The following PPAT variants were observed in gnomAD, a reference collection of about 807,000 sequenced individuals.
PPAT encodes the protein phosphoribosyl pyrophosphate amidotransferase, also known as amidophosphoribosyltransferase.
A neutral mutation model predicts 60.2 loss-of-function variants in PPAT; 20 were observed. The ratio of observed to expected loss-of-function variants is 0.33; its 90% CI spans 0.23 to 0.48. The LOEUF is 0.48. PPAT is among the 20% of genes least tolerant of loss of function. PPAT has a pLI of 0.99. For missense variants in PPAT, 349 were observed against 629.6 expected (o/e 0.55, Z 4.77); for synonymous variants, 194 against 215.1 (o/e 0.90, Z 0.86).
Position 56,393,576 on chromosome 4 carries a change from T to G in PPAT, c.*1776A>C, listed in dbSNP as rs1715882248. 6.6e-6 allele frequency: 1 copy of G among 152,444 alleles called. No homozygotes were observed. 9.4% of individuals were successfully genotyped at this position (152,444 alleles called of 1,614,324 possible). The stretch of plus-strand genomic sequence containing the variant: ...GTAATTGAATTCAGACTTCAGAAAA[T>G]TGTGAAGTAAAAGGCCATGATGGAG... On this transcript the variant is annotated 3_prime_UTR_variant, in exon 11 of 11. Coordinates refer to ENST00000264220, the MANE Select transcript of PPAT (RefSeq NM_002703.5).
chr4:56,435,495 G>A lies in PPAT; in HGVS notation c.-18C>T. The A allele has an allele frequency of 6.2e-7, 1 of 1,613,024 alleles. No homozygotes were observed. The highest frequency in any genetic ancestry group is 2.2e-5 in the East Asian group (1 of 44,868). On this transcript the variant is annotated 5_prime_UTR_variant, in exon 1 of 11. It adds an upstream start codon to the 5' untranslated region. Transcript: ENST00000264220. ...AGCTCCATGTCGCCGCCGAAAGCAC[G>A]TGGAAGGACCTGCCGCTGCGGCCAA... is the stretch of plus-strand genomic sequence containing the variant.
In PPAT at chr4:56,400,872, T is replaced by C; in HGVS notation, c.926A>G (p.Gln309Arg). The change falls in exon 8 of 11, where the codon CAG becomes CGG. Residue 309 changes from glutamine to arginine, a missense_variant. Around this residue, in one of 5 missense-constraint regions of PPAT, gnomAD observed 167 missense variants for 328.6 expected, o/e 0.51. Coordinates refer to ENST00000264220, the MANE Select transcript of PPAT (RefSeq NM_002703.5). ...ATCCACAGGTGCTTCAATCGCTAGC[T>C]GCTGGCCACAACGGTATCTTACTGT... ...VYTVRYRCGQ[Q>R]LAIEAPVDAD... 1 of 1,613,166 alleles carries C rather than the reference T, an allele frequency of 6.2e-7. No homozygotes were observed. Among genetic ancestry groups the C allele is most frequent in the South Asian group, 1.1e-5 (1 of 91,064 alleles).
rs533871730 is a variant in PPAT at position 56,429,562 on chromosome 4, GTC to G, written c.128+5786_128+5787del. On this transcript the variant is annotated intron_variant, in intron 1 of 10. Transcript: ENST00000264220. The stretch of plus-strand genomic sequence containing the variant: ...GACTAATAAGAAAACCTGAGCTCCA[GTC>G]TCTCTTTGACCCTAATTCCTAAACA... 6.0e-3 allele frequency among the ~76,000 whole-genome samples: 912 copies of G among 152,302 alleles called. 17 individuals are homozygous for G. Among genetic ancestry groups the G allele is most frequent in the African/African-American group, 0.021 (858 of 41,562 alleles).
chr4:56,424,563 CTATTA>C (rs1717197635), intron 1 of PPAT, among the ~76,000 whole-genome samples: 2 of 152,086 alleles, frequency 1.3e-5, no homozygotes, highest in South Asian at 4.1e-4. Context: ...CAGGCTATTC[CTATTA>C]TGTTAAGTAA....
Position 56,395,402 on chromosome 4 carries a change from G to A in PPAT, c.1504C>T (p.His502Tyr). 1 of 1,610,496 alleles carries A rather than the reference G, an allele frequency of 6.2e-7. No homozygotes were observed. Among genetic ancestry groups the A allele is most frequent in the South Asian group, 1.1e-5 (1 of 90,660 alleles). ...TTTCCAGTGAGACAAGCTGTACAAT[G>A]ACCACTCTTTTCAAAACATTCCAGA... is the stretch of plus-strand genomic sequence containing the variant. ...NGLECFEKSGHCTACLTGKYP... is the reference protein window; with the variant it reads ...NGLECFEKSGYCTACLTGKYP... Residue 502 changes from histidine (H) to tyrosine (Y), a missense_variant, in exon 11 of 11, where the codon CAT becomes TAT. His to Tyr is a moderately conservative substitution (Grantham distance 83). Transcript: ENST00000264220.
In PPAT at chr4:56,394,565, T is replaced by G. The variant is rs781428819; in HGVS notation, c.*787A>C. On this transcript the variant is annotated 3_prime_UTR_variant, in exon 11 of 11. Coordinates refer to ENST00000264220, the MANE Select transcript of PPAT (RefSeq NM_002703.5). ...CTATGGATCACATTTTCTAGTCAAA[T>G]GTAGGAAAAACTTTTTCACAGATTT... The G allele has an allele frequency of 2.6e-5, 4 of 152,202 alleles. No homozygotes were observed. Among genetic ancestry groups the G allele is most frequent in the Non-Finnish European group, 4.4e-5 (3 of 68,026 alleles). 9.4% of individuals were successfully genotyped at this position (152,202 alleles called of 1,614,324 possible).
At chr4:56,408,829 A>G (rs1716324558) in intron 1 of PPAT, among the ~76,000 whole-genome samples, 1 of 152,130 alleles carries the variant, frequency 6.6e-6, no homozygotes, top group Non-Finnish European at 1.5e-5. Context: ...AAACCCATTA[A>G]CATCCTCTGT....
chr4:56,404,114 GAAATCTAGAAGA>G (rs1716185999), intron 3 of PPAT: 1 of 374,038 alleles, frequency 2.7e-6, no homozygotes, highest in Non-Finnish European at 5.6e-6. Flanking sequence ...GAGGCAATAG[GAAATCTAGAAGA>G]TTTTCAAGCA....
rs766690668 is a variant in PPAT at position 56,400,750 on chromosome 4, A to T, written c.1014+34T>A. The T allele has an allele frequency of 2.4e-4, 375 of 1,584,916 alleles. 1 individual carries two copies. In the Middle Eastern group the frequency reaches 3.2e-3, roughly 14 times the overall value. On this transcript the variant is annotated intron_variant, in intron 8 of 10. Coordinates refer to ENST00000264220, the MANE Select transcript of PPAT (RefSeq NM_002703.5). ...GGGTTTCTTATTCCACAGCTGGGAG[A>T]GCAATTCACTGCATGTTAATTAAGA...
At chr4:56,418,253 T>C (rs1337907986) in intron 1 of PPAT, among the ~76,000 whole-genome samples, 1 of 152,198 alleles carries the variant, frequency 6.6e-6, no homozygotes, top group Non-Finnish European at 1.5e-5. Context: ...CAATGAGCAG[T>C]GGTCTCTCCA....
intron 1 of PPAT, among the ~76,000 whole-genome samples, chr4:56,423,640 G>C (rs1578133289): frequency 2.0e-5 from 3 of 149,998 alleles, no homozygotes; most frequent in East Asian, 2.0e-4. Context: ...AGAAGAAAAA[G>C]ATTAAGTCAA....
chr4:56,408,793 C>T (rs1053522226), intron 1 of PPAT, among the ~76,000 whole-genome samples: 1 of 151,602 alleles, frequency 6.6e-6, no homozygotes, highest in African/African-American at 2.4e-5. Context: ...GTTTTGTTGT[C>T]CTGCTTTGCT....
rs527367886 is a variant in PPAT at position 56,395,513 on chromosome 4, G to A, written c.1393C>T (p.Leu465=). Residue 465 remains leucine (L), a synonymous_variant, in exon 11 of 11, where the codon CTG becomes TTG. Transcript: ENST00000264220. ...NSVVYLSVEG[L]VSSVQEGIKF... ...ATCCCTTCTTGTACAGATGAAACCA[G>A]TCCTTCTACTGACAGATACACAACA... 6.9e-6 allele frequency: 11 copies of A among 1,599,060 alleles called. No homozygotes were observed. In the African/African-American group the frequency reaches 1.5e-4, roughly 22 times the overall value.
Position 56,396,868 on chromosome 4 carries a change from C to A in PPAT, c.1237-129G>T. 1.1e-6 allele frequency: 1 copy of A among 898,206 alleles called. No homozygotes were observed. The highest frequency in any genetic ancestry group is 1.6e-6 in the Non-Finnish European group (1 of 637,916). The allele number at this position is 898,206 out of a possible 1,614,324, so 55.6% of individuals were successfully genotyped here. On this transcript the variant is annotated intron_variant, in intron 9 of 10. Transcript: ENST00000264220. This position sits in a 1 kb window ranked among gnomAD's most constrained non-coding sequence, Gnocchi z 4.6. ...TATGGGTAATAAATTATTCTTTCTA[C>A]AAAGCTGCTTCTTGGTTTTTTTTTT... is the stretch of plus-strand genomic sequence containing the variant.
At chr4:56,409,459 A>G (rs945579028) in intron 1 of PPAT, among the ~76,000 whole-genome samples, 1 of 133,784 alleles carries the variant, frequency 7.5e-6, no homozygotes, top group Non-Finnish European at 1.8e-5. Context: ...CACTTTTGCT[A>G]TTAGAAAAAA....
At chr4:56,411,024 A>C in intron 1 of PPAT, 35 of 670,192 alleles carry the variant, frequency 5.2e-5, no homozygotes, top group South Asian at 6.7e-5. Context: ...CTGAAATATC[A>C]AGACTGTGGA....
intron 5 of PPAT, 101 bp downstream of exon 5, chr4:56,402,939 C>T: frequency 1.8e-6 from 2 of 1,088,840 alleles, no homozygotes; most frequent in South Asian, 1.9e-5. Context: ...TAGCTCCCTC[C>T]CACCCATCAA....
intron 1 of PPAT, chr4:56,416,396 A>G: frequency 1.1e-6 from 1 of 907,424 alleles, no homozygotes; most frequent in Non-Finnish European, 1.3e-6. Context: ...TGTCTCAGGA[A>G]ATCCTTTACT....
intron 1 of PPAT, among the ~76,000 whole-genome samples, chr4:56,417,483 AT>A (rs1716818763): frequency 6.6e-6 from 1 of 152,164 alleles, no homozygotes; most frequent in South Asian, 2.1e-4. Flanking sequence ...TAATTGTAAT[AT>A]TTAATTTTAA....
Sources: allele counts gnomAD v4.1 joint callset (sites outside exome capture counted in the v4.1 genomes callset), GRCh38; gene constraint gnomAD v4.1.1; regional missense constraint gnomAD v4.1.1; non-coding constraint Gnocchi (gnomAD v3.1); transcripts MANE v1.5; gene names NCBI Gene and HGNC (gene_info 2026-07-23, HGNC 2026-07-21).